CDH12: variants seen among roughly 807,000 people sequenced by gnomAD.
CDH12 encodes cadherin 12.
Under a neutral mutation model 74.1 loss-of-function variants are expected in CDH12, and 41 were observed. That is an observed-to-expected ratio of 0.55 (90% CI 0.43 to 0.72). The LOEUF (loss-of-function observed/expected upper bound fraction) is 0.72, where lower values mean the gene tolerates loss of function less well. CDH12 is among the 30% of genes least tolerant of loss of function. The pLI is 0.00. For synonymous variants in CDH12, 399 were observed against 355.0 expected, an observed-to-expected ratio of 1.12 and a Z score of -1.39; for missense variants, 945 against 977.2, an observed-to-expected ratio of 0.97 and a Z score of 0.44.
chr5:22,199,347 A>G (rs900777649), intron 4 of CDH12, among the ~76,000 whole-genome samples: 3 of 152,208 alleles, frequency 2.0e-5, no homozygotes, highest in Admixed American at 6.5e-5. Context: ...ACTAGACTAG[A>G]AAAGACCAGG....
chr5:22,812,997 G>A (rs1032156937), intron 1 of CDH12, among the ~76,000 whole-genome samples: 2 of 152,138 alleles, frequency 1.3e-5, no homozygotes, highest in African/African-American at 4.8e-5. Context: ...TTTCTGGACT[G>A]ACCTAGCTGG....
chr5:22,577,234 A>T (rs6859429), intron 1 of CDH12, among the ~76,000 whole-genome samples: 11,885 of 152,284 alleles, frequency 0.078, 644 homozygotes, highest in Non-Finnish European at 0.12. Flanking sequence ...TTAAGCATAG[A>T]GCATGCAAAG....
rs1046359001 is a variant in CDH12, at chr5:22,789,704, C to T, written c.-523+63354G>A. Among the ~76,000 whole-genome samples the T allele has an allele frequency of 3.3e-5, 5 of 151,936 alleles. No homozygotes were observed. In the South Asian group the frequency reaches 1.0e-3, roughly 32 times the overall value. ...CTAGGTTTCCTGGTTGATAAATTCT[C>T]AAATTACCAAAATTTTAAAACTGAA... is the stretch of plus-strand genomic sequence containing the variant. On this transcript the variant is annotated intron_variant, in intron 1 of 14. Coordinates refer to ENST00000382254, the MANE Select transcript of CDH12 (RefSeq NM_004061.5).
intron 2 of CDH12, among the ~76,000 whole-genome samples, chr5:22,428,046 T>C (rs1300617866): frequency 2.6e-5 from 4 of 152,182 alleles, no homozygotes; most frequent in African/African-American, 9.6e-5. Flanking sequence ...AGTTATTCTT[T>C]ATTTTATAGC....
At position 22,026,176 on chromosome 5, in the gene CDH12, G is replaced by A. The variant is rs374755531; in HGVS notation, c.232-50791C>T. Among the ~76,000 whole-genome samples, 11 of 152,214 alleles carry A rather than the reference G, an allele frequency of 7.2e-5. No homozygotes were observed. The South Asian group carries it at 1.2e-3, about 17-fold the overall frequency. On this transcript the variant is annotated intron_variant, in intron 5 of 14. Transcript: ENST00000382254. ...TGCCCAGATCCATCAGAGGCATGGC[G>A]CCAGGCACTTAGTGAGGGAACAGGA...
At chr5:21,786,592 T>C (rs1289841980) in intron 10 of CDH12, among the ~76,000 whole-genome samples, 3 of 152,188 alleles carry the variant, frequency 2.0e-5, no homozygotes, top group Non-Finnish European at 1.5e-5. Context: ...ATGAATGTTG[T>C]TTTCATGACT....
At chr5:22,219,599 T>A (rs1240674783) in intron 3 of CDH12, among the ~76,000 whole-genome samples, 1 of 151,750 alleles carries the variant, frequency 6.6e-6, no homozygotes, top group Non-Finnish European at 1.5e-5. Context: ...TATATCAGAC[T>A]GTTGGTGAGC....
At chr5:22,586,316 C>T (rs1289236844) in intron 1 of CDH12, among the ~76,000 whole-genome samples, 1 of 151,848 alleles carries the variant, frequency 6.6e-6, no homozygotes, top group East Asian at 1.9e-4. Flanking sequence ...GGAAGGGGAA[C>T]ATCACACACT....
chr5:21,931,595 A>C (rs1754840897), intron 6 of CDH12, among the ~76,000 whole-genome samples: 1 of 152,340 alleles, frequency 6.6e-6, no homozygotes, highest in Admixed American at 6.5e-5. Context: ...TCAGGTTAAC[A>C]CATAAAAATG....
intron 4 of CDH12, chr5:22,172,484 T>C (rs1484186775): frequency 6.6e-6 from 1 of 151,914 alleles, no homozygotes; most frequent in Non-Finnish European, 1.5e-5. Flanking sequence ...TTGTATCTCA[T>C]TGGCTGAAAC....
At chr5:22,361,116 A>G (rs570298913) in intron 3 of CDH12, among the ~76,000 whole-genome samples, 32 of 152,198 alleles carry the variant, frequency 2.1e-4, no homozygotes, top group Non-Finnish European at 4.1e-4. Flanking sequence ...AGGATATTCA[A>G]TTAGGAGAAG....
chr5:22,164,994 C>G (rs1413808126), intron 4 of CDH12, among the ~76,000 whole-genome samples: 5 of 145,506 alleles, frequency 3.4e-5, no homozygotes, highest in African/African-American at 1.3e-4. Flanking sequence ...CACTGCCTTG[C>G]GAAAGGGAAT....
At chr5:22,658,506 T>C (rs1740178169) in intron 1 of CDH12, among the ~76,000 whole-genome samples, 1 of 152,116 alleles carries the variant, frequency 6.6e-6, no homozygotes, top group Admixed American at 6.5e-5. Context: ...AAAAGGGAGC[T>C]TGATAAGAAA....
At chr5:22,629,136 AC>A (rs1311613598) in intron 1 of CDH12, among the ~76,000 whole-genome samples, 4 of 152,092 alleles carry the variant, frequency 2.6e-5, no homozygotes, top group Non-Finnish European at 5.9e-5. Context: ...AAAGGCCAGT[AC>A]TAGATGGATG....
intron 1 of CDH12, among the ~76,000 whole-genome samples, chr5:22,817,956 G>GGACCA (rs1421528079): frequency 3.3e-5 from 5 of 152,072 alleles, no homozygotes; most frequent in Non-Finnish European, 5.9e-5. Flanking sequence ...TAGATTTTGT[G>GGACCA]GACCATGAAA....
rs541321597 is a variant in CDH12, at chr5:22,275,805, A to G, written c.-332-63162T>C. Among the ~76,000 whole-genome samples, 12 of 152,290 alleles carry G rather than the reference A, an allele frequency of 7.9e-5. No individual in the cohort carries two copies. The East Asian group carries it at 2.1e-3, about 27-fold the overall frequency. ...CTGGGGCAGTAGATGAAGGCAAGAG[A>G]GTTAATAGAAACTGTTTGAAGACAC... On this transcript the variant is annotated intron_variant, in intron 3 of 14. Transcript: ENST00000382254.
At position 22,689,068 on chromosome 5, in the gene CDH12, T is replaced by C. The variant is rs563022836; in HGVS notation, c.-523+163990A>G. On this transcript the variant is annotated intron_variant, in intron 1 of 14. Coordinates refer to ENST00000382254, the MANE Select transcript of CDH12 (RefSeq NM_004061.5). ...AAGAAGAGGAAAGGGATTGTCTAAATAGCAGTATAAAAATCTCTGTAATTA... is the reference window on the plus strand; with the variant it reads ...AAGAAGAGGAAAGGGATTGTCTAAACAGCAGTATAAAAATCTCTGTAATTA... Among the ~76,000 whole-genome samples, 18 of 152,316 alleles carry C rather than the reference T, an allele frequency of 1.2e-4. 2 individuals carry two copies. The South Asian group carries it at 3.7e-3, about 32-fold the overall frequency.
At chr5:22,693,456 G>T (rs566683050) in intron 1 of CDH12, among the ~76,000 whole-genome samples, 1 of 152,116 alleles carries the variant, frequency 6.6e-6, no homozygotes, top group African/African-American at 2.4e-5. Context: ...GAGAGAAGGG[G>T]ACTTAGATTG....
At chr5:22,505,885 G>C (rs920877198) in intron 1 of CDH12, among the ~76,000 whole-genome samples, 2 of 152,050 alleles carry the variant, frequency 1.3e-5, no homozygotes, top group Non-Finnish European at 2.9e-5. Flanking sequence ...TTGGGAGGAG[G>C]ACCATAAAGT....
Sources: gnomAD v4.1 joint callset for allele counts (sites outside exome capture counted in the v4.1 genomes callset) on GRCh38, gnomAD v4.1.1 for gene constraint, MANE v1.5 for transcripts, NCBI Gene and HGNC (gene_info 2026-07-23, HGNC 2026-07-21) for gene names.